Variants in NIPAL2 observed in about 807,000 individuals in gnomAD.
The protein encoded by NIPAL2 is NIPA like domain containing 2.
Under a neutral mutation model 48.9 loss-of-function variants are expected in NIPAL2, and 43 were observed. The observed-to-expected ratio is 0.88, with a 90% CI of 0.69 to 1.13. The LOEUF is 1.13. Among genes scored for constraint, NIPAL2 ranks in the 50% most tolerant of loss-of-function variants. The probability of loss-of-function intolerance (pLI) is 0.00; values close to 1 mark genes in which losing one functional copy is unlikely to be tolerated. For missense variants in NIPAL2, 446 were observed against 461.4 expected (o/e 0.97, Z 0.31); for synonymous variants, 167 against 174.6 (o/e 0.96, Z 0.34).
At chr8:98,219,434 G>GAA (rs919906213) in intron 5 of NIPAL2, among the ~76,000 whole-genome samples, 19 of 152,250 alleles carry the variant, frequency 1.2e-4, no homozygotes, top group African/African-American at 4.6e-4. Context: ...GAGAGACAGG[G>GAA]AAAACATTTG....
At chr8:98,198,460 C>T (rs760656791) in intron 8 of NIPAL2, among the ~76,000 whole-genome samples, 1 of 152,208 alleles carries the variant, frequency 6.6e-6, no homozygotes, top group Admixed American at 6.5e-5. Context: ...TCAGCCTGTC[C>T]TTTGAAGCTT....
chr8:98,194,792 CA>C lies in NIPAL2; in HGVS notation c.974del (p.Leu325TrpfsTer62). ...GCFLSFLGVF[L>X]VTRNREKEHL... ...GTTCCTTTTCTCGATTTCTTGTGACCAAAAATACACCAAGGAATGACAGAAA... is the reference window on the plus strand; with the variant it reads ...GTTCCTTTTCTCGATTTCTTGTGACCAAAATACACCAAGGAATGACAGAAA... On this transcript the variant is annotated frameshift_variant, in exon 10 of 11. Transcript: ENST00000430223. LOFTEE classifies it high-confidence loss of function. 4 of 1,566,476 alleles carry C rather than the reference CA, an allele frequency of 2.6e-6. No homozygotes were observed. The highest frequency in any genetic ancestry group is 2.0e-5 in the Admixed American group (1 of 49,742).
At chr8:98,279,361 T>C (rs62524195) in intron 1 of NIPAL2, among the ~76,000 whole-genome samples, 1,967 of 152,358 alleles carry the variant, frequency 0.013, 14 homozygotes, top group Middle Eastern at 0.024. Flanking sequence ...TTTGCATACA[T>C]TGAGCAGGCC....
chr8:98,211,733 A>AAGTGTGTCTGTGTGTGTGT (rs1271888062), intron 6 of NIPAL2, among the ~76,000 whole-genome samples: 5 of 109,146 alleles, frequency 4.6e-5, no homozygotes, highest in African/African-American at 1.9e-4. Flanking sequence ...AGAGAGAGAA[A>AAGTGTGTCTGTGTGTGTGT]GTGTGTGTGT....
At chr8:98,270,024 T>C (rs572080742) in intron 1 of NIPAL2, among the ~76,000 whole-genome samples, 3 of 152,342 alleles carry the variant, frequency 2.0e-5, no homozygotes, top group Non-Finnish European at 4.4e-5. Context: ...TTTCATTCTT[T>C]TTTTATGGCT....
intron 1 of NIPAL2, among the ~76,000 whole-genome samples, chr8:98,262,807 C>A (rs1475488280): frequency 6.6e-6 from 1 of 151,774 alleles, no homozygotes. Context: ...CTCTCCACCC[C>A]AAATCAACAG....
chr8:98,292,076 T>C (rs1816516259), intron 1 of NIPAL2, among the ~76,000 whole-genome samples: 1 of 152,262 alleles, frequency 6.6e-6, no homozygotes, highest in Non-Finnish European at 1.5e-5. Context: ...GCAAATATTT[T>C]AGTTGTGATA....
chr8:98,241,122 C>A (rs1333432221), intron 3 of NIPAL2, among the ~76,000 whole-genome samples: 1 of 152,140 alleles, frequency 6.6e-6, no homozygotes, highest in Non-Finnish European at 1.5e-5. Context: ...TCCAAGATGA[C>A]CATGGTCTAT....
chr8:98,217,669 C>T (rs531121899), intron 5 of NIPAL2, among the ~76,000 whole-genome samples: 64 of 152,136 alleles, frequency 4.2e-4, no homozygotes, highest in Non-Finnish European at 6.6e-4. Context: ...AATTATATAA[C>T]GAATTAGATT....
chr8:98,194,658 C>A, intron 10 of NIPAL2, 70 bp downstream of exon 10: 2 of 797,848 alleles, frequency 2.5e-6, no homozygotes, highest in Non-Finnish European at 1.9e-6. Flanking sequence ...AACTTACCAC[C>A]CAAAATAATA....
chr8:98,204,551 C>T (rs956591048), intron 7 of NIPAL2, among the ~76,000 whole-genome samples: 7 of 152,154 alleles, frequency 4.6e-5, no homozygotes, highest in African/African-American at 1.4e-4. Context: ...AAATTAAAAA[C>T]GTTCCATGTC....
intron 3 of NIPAL2, among the ~76,000 whole-genome samples, chr8:98,242,309 A>T (rs549678745): frequency 1.3e-5 from 2 of 151,228 alleles, no homozygotes; most frequent in South Asian, 4.2e-4. Context: ...CCTCCCAAGG[A>T]GCTGGGACTA....
At chr8:98,226,128 C>G (rs1193893303) in intron 4 of NIPAL2, among the ~76,000 whole-genome samples, 1 of 152,022 alleles carries the variant, frequency 6.6e-6, no homozygotes, top group Non-Finnish European at 1.5e-5. Flanking sequence ...TCTGGGTTAT[C>G]TTGCATTTAT....
intron 4 of NIPAL2, among the ~76,000 whole-genome samples, chr8:98,232,797 A>G (rs1439343900): frequency 6.6e-6 from 1 of 152,200 alleles, no homozygotes; most frequent in Non-Finnish European, 1.5e-5. Context: ...ATACTGGTCT[A>G]TCATGTACTA....
rs981104139 is a variant in NIPAL2 at position 98,205,174 on chromosome 8, A to G, written c.728T>C (p.Leu243Pro). The change falls in exon 7 of 11, where the codon CTA becomes CCA. Residue 243 changes from leucine to proline, a missense_variant. Transcript: ENST00000430223. ...CATGATATAGAAAATGGGGTAAGTT[A>G]GTTGCATTTTATCCATCACAGAAAA... ...ITFSVMDKMQ[L>P]TYPIFYIMFI... The G allele has an allele frequency of 6.2e-7, 1 of 1,613,082 alleles. No individual in the cohort carries two copies. The highest frequency in any genetic ancestry group is 1.7e-5 in the Admixed American group (1 of 60,002).
At chr8:98,205,942 T>C (rs1299345834) in intron 6 of NIPAL2, among the ~76,000 whole-genome samples, 1 of 152,224 alleles carries the variant, frequency 6.6e-6, no homozygotes, top group African/African-American at 2.4e-5. Flanking sequence ...TTATGTTCTA[T>C]GCTAAAGTGG....
chr8:98,215,791 G>A (rs1563493959), intron 5 of NIPAL2, among the ~76,000 whole-genome samples: 1 of 152,226 alleles, frequency 6.6e-6, no homozygotes, highest in Non-Finnish European at 1.5e-5. Context: ...CAGAGGAAAA[G>A]TTCCTGGGCC....
At chr8:98,258,876 T>C (rs1458093024) in intron 1 of NIPAL2, among the ~76,000 whole-genome samples, 1 of 152,032 alleles carries the variant, frequency 6.6e-6, no homozygotes, top group Non-Finnish European at 1.5e-5. Flanking sequence ...TCCTGAATCA[T>C]TCGTTACTTA....
chr8:98,224,755 C>CTTTTTTTTTT (rs371936351), intron 4 of NIPAL2, among the ~76,000 whole-genome samples: 28 of 123,756 alleles, frequency 2.3e-4, no homozygotes, highest in East Asian at 4.6e-4. Context: ...TCTTTCTTTT[C>CTTTTTTTTTT]TTTTTTTTTT....
Sources: allele counts gnomAD v4.1 joint callset (sites outside exome capture counted in the v4.1 genomes callset), GRCh38; gene constraint gnomAD v4.1.1; transcripts MANE v1.5; gene names NCBI Gene and HGNC (gene_info 2026-07-23, HGNC 2026-07-21).